The following USP20 variants were observed in gnomAD, a reference collection of about 807,000 sequenced individuals.
USP20 encodes the protein ubiquitin carboxyl-terminal hydrolase 20.
USP20 carries 80 observed loss-of-function variants against 124.2 expected under a neutral mutation model. The observed-to-expected ratio is 0.64, with a 90% CI of 0.54 to 0.78. The LOEUF is 0.78. USP20 is among the 30% of genes least tolerant of loss of function. The probability of loss-of-function intolerance (pLI) is 0.00; values close to 1 mark genes in which losing one functional copy is unlikely to be tolerated. For missense variants in USP20, 1,043 were observed against 1,244.4 expected, an observed-to-expected ratio of 0.84 and a Z score of 2.44; for synonymous variants, 481 against 512.3, an observed-to-expected ratio of 0.94 and a Z score of 0.83.
At chr9:129,840,739 C>T (rs1404366651) in intron 1 of USP20, among the ~76,000 whole-genome samples, 1 of 151,462 alleles carries the variant, frequency 6.6e-6, no homozygotes, top group African/African-American at 2.4e-5. Flanking sequence ...TCATACATAA[C>T]CAAAGCGTGA....
At chr9:129,861,447 G>A in intron 7 of USP20, 96 bp from the exon 8 acceptor site, 1 of 1,160,326 alleles carries the variant, frequency 8.6e-7, no homozygotes. Context: ...GTCTTGGGCA[G>A]TTGAGAGCCA....
chr9:129,842,776 G>T (rs551449787), intron 1 of USP20, among the ~76,000 whole-genome samples: 1 of 151,918 alleles, frequency 6.6e-6, no homozygotes, highest in South Asian at 2.1e-4. Flanking sequence ...TGTATTTTTA[G>T]TAGAGATGGG....
Position 129,848,206 on chromosome 9 carries a change from G to T in USP20, c.-128-1607G>T, listed in dbSNP as rs186487624. ...AGCTACTCAAGGGGCTGAGGCAAGA[G>T]AATTGCTTGAACCCGGGAGGCGGAG... is the stretch of plus-strand genomic sequence containing the variant. On this transcript the variant is annotated intron_variant, in intron 1 of 25. Transcript: ENST00000372429. Among the ~76,000 whole-genome samples the T allele has an allele frequency of 2.6e-5, 4 of 152,280 alleles. No individual in the cohort carries two copies. The East Asian group carries it at 5.8e-4, about 22-fold the overall frequency.
chr9:129,853,442 T>C (rs2033040170), intron 3 of USP20, among the ~76,000 whole-genome samples: 1 of 152,222 alleles, frequency 6.6e-6, no homozygotes, highest in Non-Finnish European at 1.5e-5. Context: ...CTTTGCAGCC[T>C]CTTGCCGATA....
chr9:129,863,441 T>A, intron 9 of USP20, 142 bp downstream of exon 9: 1 of 606,678 alleles, frequency 1.6e-6, no homozygotes. Flanking sequence ...GCAGCAAGCC[T>A]GCGGGGTGGA....
Position 129,865,319 on chromosome 9 carries a change from C to T in USP20, c.628C>T (p.Pro210Ser). The change falls in exon 10 of 26, where the codon CCC becomes TCC. Residue 210 changes from proline to serine, a missense_variant. Pro to Ser is a moderately conservative substitution (Grantham distance 74). Coordinates refer to ENST00000372429, the MANE Select transcript of USP20 (RefSeq NM_001110303.4). ...TTCCTACAGGCCAAGCTACGTGGTC[C>T]CCACCAGTCTGTCTCATGGGATCAA... is the stretch of plus-strand genomic sequence containing the variant. The part of the protein sequence containing the change: ...WHKKRPSYVV[P>S]TSLSHGIKLV... The T allele has an allele frequency of 6.2e-7, 1 of 1,614,160 alleles. No individual in the cohort carries two copies. Among genetic ancestry groups the T allele is most frequent in the Non-Finnish European group, 8.5e-7 (1 of 1,180,000 alleles).
rs1226959065 is a variant in USP20 at position 129,879,651 on chromosome 9, TC to T, written c.2584+12del. On this transcript the variant is annotated splice_region_variant and intron_variant, in intron 24 of 25. Coordinates refer to ENST00000372429, the MANE Select transcript of USP20 (RefSeq NM_001110303.4). The surrounding 1 kb of genome is among the most constrained non-coding windows in gnomAD (Gnocchi z 4.2). ...CATGTCCAGCTGAAGCAGGGTGAGT[TC>T]CCCCTGGGGTCAGCCAGGCTCCTCT... 18 of 1,613,734 alleles carry T rather than the reference TC, an allele frequency of 1.1e-5. No homozygotes were observed. The highest frequency in any genetic ancestry group is 1.5e-5 in the Non-Finnish European group (18 of 1,179,920).
At position 129,880,189 on chromosome 9, in the gene USP20, C is replaced by T. The variant is rs1188008810; in HGVS notation, c.2661C>T (p.Ala887=). 3 of 1,613,884 alleles carry T rather than the reference C, an allele frequency of 1.9e-6. No homozygotes were observed. Among genetic ancestry groups the T allele is most frequent in the South Asian group, 1.1e-5 (1 of 91,086 alleles). The change falls in exon 25 of 26, where the codon GCC becomes GCT. Residue 887 remains alanine (A), a synonymous_variant. Transcript: ENST00000372429. ...NSLYGGGPEI[A]IRQSVAQPLG... ...TGTATGGAGGTGGCCCCGAGATTGC[C>T]ATCCGCCAGAGTGTGGCGCAGCCGC...
chr9:129,863,390 C>T, intron 9 of USP20, 91 bp downstream of exon 9: 2 of 1,056,748 alleles, frequency 1.9e-6, no homozygotes, highest in Non-Finnish European at 2.7e-6. Context: ...TGGATTCAGC[C>T]CCCAGCGAGG....
At chr9:129,853,557 C>T (rs1427400740) in intron 3 of USP20, among the ~76,000 whole-genome samples, 1 of 152,208 alleles carries the variant, frequency 6.6e-6, no homozygotes, top group Non-Finnish European at 1.5e-5. Flanking sequence ...CATATTGGCA[C>T]CTAATGCTGG....
rs536290350 is a variant in USP20 at position 129,874,557 on chromosome 9, G to GCT, written c.1741-12_1741-11dup. 1.3e-4 allele frequency: 217 copies of GCT among 1,610,798 alleles called. No homozygotes were observed. In the East Asian group the frequency reaches 4.5e-3, roughly 33 times the overall value. Reference sequence around the variant, plus strand: ...CATCATTTCTTCCTAGATGACCGGCGCTCTCTCTGTCCCCGCAGATCCTGT... The same window carrying GCT: ...CATCATTTCTTCCTAGATGACCGGCGCTCTCTCTCTGTCCCCGCAGATCCTGT... On this transcript the variant is annotated intron_variant, in intron 17 of 25. Coordinates refer to ENST00000372429, the MANE Select transcript of USP20 (RefSeq NM_001110303.4).
chr9:129,863,207 C>T lies in USP20; in HGVS notation c.519C>T (p.Phe173=). 1 of 1,545,644 alleles carries T rather than the reference C, an allele frequency of 6.5e-7. No individual in the cohort carries two copies. Among genetic ancestry groups the T allele is most frequent in the East Asian group, 2.4e-5 (1 of 40,834 alleles). Residue 173 remains phenylalanine, a synonymous_variant, in exon 9 of 26, where the codon TTC becomes TTT. Coordinates refer to ENST00000372429, the MANE Select transcript of USP20 (RefSeq NM_001110303.4). ...CCAGCCCGCCGCTGACTCAGTTCTT[C>T]TTGGAGTGTGGCGGCCTGGTGCGCA... ...LSNCPPLTQF[F]LECGGLVRTD...
intron 1 of USP20, among the ~76,000 whole-genome samples, chr9:129,846,580 A>G: frequency 6.9e-6 from 1 of 144,324 alleles, no homozygotes; most frequent in Non-Finnish European, 1.5e-5. Context: ...ATAACTTTGT[A>G]TTTTGGGGCC....
chr9:129,842,706 G>T (rs896309388), intron 1 of USP20, among the ~76,000 whole-genome samples: 24 of 151,224 alleles, frequency 1.6e-4, no homozygotes, highest in African/African-American at 5.6e-4. Context: ...CGATTCTCCT[G>T]CCTCAGCCTC....
chr9:129,874,897 G>A lies in USP20; in HGVS notation c.1990G>A (p.Val664Ile), dbSNP rs372259478. The change falls in exon 19 of 26, where the codon GTC becomes ATC. Residue 664 changes from valine (V) to isoleucine (I), a missense_variant. Val to Ile is a conservative substitution (Grantham distance 29). Transcript: ENST00000372429. Reference sequence around the variant, plus strand: ...GTGGTACGAGTTTGATGACCAGTACGTCACAGAAGTCCACGAGACGGTGGT... The same window carrying A: ...GTGGTACGAGTTTGATGACCAGTACATCACAGAAGTCCACGAGACGGTGGT... ...GQWYEFDDQY[V>I]TEVHETVVQN... The A allele has an allele frequency of 2.7e-5, 43 of 1,614,002 alleles. No homozygotes were observed. Among genetic ancestry groups the A allele is most frequent in the Non-Finnish European group, 3.2e-5 (38 of 1,180,042 alleles).
At chr9:129,855,866 A>C (rs1309886083) in intron 3 of USP20, among the ~76,000 whole-genome samples, 1 of 152,050 alleles carries the variant, frequency 6.6e-6, no homozygotes, top group East Asian at 1.9e-4. Context: ...CTTCATTTAT[A>C]CCAGGCCCTG....
At chr9:129,857,165 C>G (rs2033257265) in intron 4 of USP20, among the ~76,000 whole-genome samples, 1 of 152,120 alleles carries the variant, frequency 6.6e-6, no homozygotes, top group South Asian at 2.1e-4. Context: ...CTGGCCTCTT[C>G]TGCTCAGCCC....
intron 2 of USP20, among the ~76,000 whole-genome samples, chr9:129,851,868 AAC>A (rs2032939958): frequency 6.6e-6 from 1 of 152,054 alleles, no homozygotes; most frequent in South Asian, 2.1e-4. Flanking sequence ...TGTTTTGGCA[AAC>A]ACAGACTGCT....
intron 11 of USP20, among the ~76,000 whole-genome samples, 157 bp from the exon 12 acceptor site, chr9:129,868,705 G>A (rs1023251370): frequency 2.0e-5 from 3 of 152,142 alleles, no homozygotes; most frequent in Admixed American, 6.5e-5. Context: ...GGTCTGCTCC[G>A]GCCTGTGTGC....
Sources: allele counts gnomAD v4.1 joint callset (sites outside exome capture counted in the v4.1 genomes callset), GRCh38; gene constraint gnomAD v4.1.1; non-coding constraint Gnocchi (gnomAD v3.1); transcripts MANE v1.5; gene names NCBI Gene and HGNC (gene_info 2026-07-23, HGNC 2026-07-21).